SEC61A1: variants seen among roughly 807,000 people sequenced by gnomAD.
The protein encoded by SEC61A1 is SEC61 translocon subunit alpha 1, also known as protein transport protein Sec61 subunit alpha isoform 1.
Under a neutral mutation model 55.2 loss-of-function variants are expected in SEC61A1, and 15 were observed. That is an observed-to-expected ratio of 0.27 (90% CI 0.18 to 0.42). The LOEUF is 0.42. SEC61A1 is among the 10% of genes least tolerant of loss of function. The pLI, the probability that SEC61A1 is intolerant of heterozygous loss-of-function variation, is 1.00. For missense variants in SEC61A1, 284 were observed against 602.6 expected (o/e 0.47, Z 5.53); for synonymous variants, 247 against 234.0 (o/e 1.06, Z -0.51).
At chr3:128,055,080 G>A (rs79649799) in intron 2 of SEC61A1, among the ~76,000 whole-genome samples, 2,566 of 152,292 alleles carry the variant, frequency 0.017, 74 homozygotes, top group African/African-American at 0.057. Flanking sequence ...ACAAGGTTTT[G>A]TGACTGAAAC....
chr3:128,058,876 A>C (rs543099559), intron 5 of SEC61A1, among the ~76,000 whole-genome samples: 7 of 152,204 alleles, frequency 4.6e-5, no homozygotes, highest in Non-Finnish European at 8.8e-5. Context: ...AACACTAAGA[A>C]AACAAAAAAA....
Position 128,060,313 on chromosome 3 carries a change from A to T in SEC61A1, c.462+102A>T, listed in dbSNP as rs1941833757. On this transcript the variant is annotated intron_variant, in intron 6 of 11. Coordinates refer to ENST00000243253, the MANE Select transcript of SEC61A1 (RefSeq NM_013336.4). ...ACACCTAAAAGGAACTCCTACTGAA[A>T]GGAAGCAGAAGCCTAAGACTCTGGG... is the stretch of plus-strand genomic sequence containing the variant. 5.6e-6 allele frequency: 6 copies of T among 1,080,258 alleles called. No homozygotes were observed. The South Asian group carries it at 7.0e-5, about 13-fold the overall frequency. The allele number at this position is 1,080,258 out of a possible 1,614,324, so 66.9% of individuals were successfully genotyped here. A position where few individuals can be genotyped will look rare whatever the true frequency, so the allele number is the denominator to read the frequency against.
At chr3:128,059,966 G>A (rs1007604781) in intron 5 of SEC61A1, 136 bp from the exon 6 acceptor site, 12 of 635,370 alleles carry the variant, frequency 1.9e-5, no homozygotes, top group Non-Finnish European at 2.8e-5. Context: ...GTTCTCAGCC[G>A]AGCCCCTTGG....
intron 2 of SEC61A1, among the ~76,000 whole-genome samples, chr3:128,054,025 T>C (rs1191112896): frequency 6.6e-6 from 1 of 152,176 alleles, no homozygotes; most frequent in Non-Finnish European, 1.5e-5. Flanking sequence ...GATGGGAGGT[T>C]ATTAGATGTA....
Position 128,069,956 on chromosome 3 carries a change from C to G in SEC61A1, c.*294C>G, listed in dbSNP as rs926861432. The G allele has an allele frequency of 3.3e-6, 1 of 301,142 alleles. No individual in the cohort carries two copies. Among genetic ancestry groups the G allele is most frequent in the Admixed American group, 4.8e-5 (1 of 20,838 alleles). 18.7% of individuals were successfully genotyped at this position (301,142 alleles called of 1,614,324 possible). On this transcript the variant is annotated 3_prime_UTR_variant, in exon 12 of 12. Transcript: ENST00000243253. ...CATGTAACTTTTGTTTTAACCTTTG[C>G]ACCTTCTCAGTGCTGTATGCGGCTG...
chr3:128,065,270 T>C (rs1941931492), intron 8 of SEC61A1: 3 of 620,914 alleles, frequency 4.8e-6, no homozygotes, highest in South Asian at 1.9e-5. Context: ...AGTGAAATCA[T>C]GTTCTTCTGG....
upstream of SEC61A1, chr3:128,052,383 C>A: frequency 8.7e-7 from 1 of 1,145,210 alleles, no homozygotes; most frequent in Non-Finnish European, 1.1e-6. Context: ...ATCCGAGGCC[C>A]GGCCCCGGCC....
intron 11 of SEC61A1, among the ~76,000 whole-genome samples, 177 bp downstream of exon 11, chr3:128,068,236 C>T (rs953806239): frequency 3.9e-5 from 6 of 152,238 alleles, no homozygotes; most frequent in African/African-American, 1.4e-4. Flanking sequence ...ACACTGGAGA[C>T]GTAAAAATAA....
Position 128,052,614 on chromosome 3 carries a change from C to T in SEC61A1, c.7+55C>T, listed in dbSNP as rs1400993987. The T allele has an allele frequency of 1.9e-6, 3 of 1,570,392 alleles. No homozygotes were observed. The African/African-American group carries it at 4.1e-5, about 21-fold the overall frequency. ...CCGGGACGGAACAGATCCCCCTTCC[C>T]CACACCCGTGCGGTCGGGCGCCCGC... On this transcript the variant is annotated intron_variant, in intron 1 of 11. Coordinates refer to ENST00000243253, the MANE Select transcript of SEC61A1 (RefSeq NM_013336.4).
intron 8 of SEC61A1, 120 bp downstream of exon 8, chr3:128,065,157 A>G (rs1359765819): frequency 8.7e-7 from 1 of 1,150,260 alleles, no homozygotes; most frequent in Non-Finnish European, 1.3e-6. Context: ...AAACGATGAG[A>G]TGGTATTTGA....
At position 128,056,698 on chromosome 3, in the gene SEC61A1, G is replaced by T; in HGVS notation, c.221-11G>T. On this transcript the variant is annotated splice_polypyrimidine_tract_variant and intron_variant, in intron 4 of 11. Transcript: ENST00000243253. The stretch of plus-strand genomic sequence containing the variant: ...CTGATATTGACTGTTTTGCTTCCCC[G>T]TTTCCTCAAGGCACATTGATGGAGC... 6.6e-7 allele frequency: 1 copy of T among 1,516,488 alleles called. No homozygotes were observed. The highest frequency in any genetic ancestry group is 8.9e-7 in the Non-Finnish European group (1 of 1,128,344). The allele number at this position is 1,516,488 out of a possible 1,614,324, so 93.9% of individuals were successfully genotyped here. A position where few individuals can be genotyped will look rare whatever the true frequency, so the allele number is the denominator to read the frequency against.
At chr3:128,051,861 CACG>C (rs1183428140), upstream of SEC61A1, 2 of 1,536,030 alleles carry the variant, frequency 1.3e-6, no homozygotes, top group Non-Finnish European at 1.7e-6. Context: ...GACCCACACC[CACG>C]ACAAGCCTCC....
intron 7 of SEC61A1, among the ~76,000 whole-genome samples, chr3:128,063,009 T>C (rs1941872570): frequency 6.6e-6 from 1 of 152,222 alleles, no homozygotes; most frequent in African/African-American, 2.4e-5. Flanking sequence ...ATTATTACCT[T>C]TGGGTTAAAG....
chr3:128,060,487 T>C lies in SEC61A1; in HGVS notation c.463-21T>C, dbSNP rs1274095082. ...CGTGGGGAGCAGTAACACATAGTCT[T>C]GTATTTTTGAATTTTTACAGCTCTT... On this transcript the variant is annotated intron_variant, in intron 6 of 11. Transcript: ENST00000243253. 6 of 1,613,548 alleles carry C rather than the reference T, an allele frequency of 3.7e-6. 1 individual carries two copies. The highest frequency in any genetic ancestry group is 2.2e-5 in the East Asian group (1 of 44,882).
intron 5 of SEC61A1, 127 bp downstream of exon 5, chr3:128,056,967 T>G: frequency 1.5e-6 from 1 of 659,956 alleles, no homozygotes; most frequent in East Asian, 4.2e-5. Flanking sequence ...GATGGAGTCT[T>G]ACTCTGTTGC....
chr3:128,052,363 A>G, upstream of SEC61A1: 1 of 946,836 alleles, frequency 1.1e-6, no homozygotes. Context: ...CGTGGCAGGA[A>G]GCGGAAGCGA....
intron 11 of SEC61A1, among the ~76,000 whole-genome samples, 153 bp from the exon 12 acceptor site, chr3:128,069,323 C>G (rs1576427622): frequency 6.6e-6 from 1 of 152,344 alleles, no homozygotes; most frequent in South Asian, 2.1e-4. Flanking sequence ...GCGCCTTGGC[C>G]TAGAGCGCTA....
rs564319482 is a variant in SEC61A1 at position 128,061,327 on chromosome 3, G to A, written c.616+666G>A. ...TGCTGTGCTACATCCACCAAGTGCC[G>A]TGGAAATCTTGTAACAGCATGTTTT... On this transcript the variant is annotated intron_variant, in intron 7 of 11. Coordinates refer to ENST00000243253, the MANE Select transcript of SEC61A1 (RefSeq NM_013336.4). Among the ~76,000 whole-genome samples the A allele has an allele frequency of 3.2e-4, 49 of 152,354 alleles. 1 individual carries two copies. The South Asian group carries it at 7.9e-3, about 24-fold the overall frequency.
At chr3:128,065,263 G>T (rs1046236980) in intron 8 of SEC61A1, 3 of 624,568 alleles carry the variant, frequency 4.8e-6, no homozygotes, top group East Asian at 2.7e-5. Context: ...TAACGTAAGT[G>T]AAATCATGTT....
Sources: allele counts gnomAD v4.1 joint callset (sites outside exome capture counted in the v4.1 genomes callset), GRCh38; gene constraint gnomAD v4.1.1; transcripts MANE v1.5; gene names NCBI Gene and HGNC (gene_info 2026-07-23, HGNC 2026-07-21).